PCDHGB5: variants seen among roughly 807,000 people sequenced by gnomAD.
PCDHGB5 encodes protocadherin gamma subfamily B, 5.
A neutral mutation model predicts 62.9 loss-of-function variants in PCDHGB5; 48 were observed. The ratio of observed to expected loss-of-function variants is 0.76; its 90% CI spans 0.61 to 0.97. The LOEUF is 0.97. Ranked by LOEUF, PCDHGB5 falls within the 50% of genes least tolerant of loss-of-function variation. The pLI, the probability that PCDHGB5 is intolerant of heterozygous loss-of-function variation, is 0.00. For missense variants in PCDHGB5, 1,118 were observed against 1,198.6 expected (o/e 0.93, Z 0.99); for synonymous variants, 474 against 511.2 (o/e 0.93, Z 0.98).
chr5:141,400,214 C>T lies in PCDHGB5; in HGVS notation c.2087C>T (p.Ser696Leu). ...FYLVVALALISVLFLLAVILA... is the reference protein window; with the variant it reads ...FYLVVALALILVLFLLAVILA... The stretch of plus-strand genomic sequence containing the variant: ...CTAGTGGTGGCCTTGGCCTTGATCT[C>T]AGTGCTCTTCCTCCTGGCCGTGATT... Residue 696 changes from serine to leucine, a missense_variant, in exon 1 of 4, where the codon TCA becomes TTA. This residue lies in a region of PCDHGB5 where 1,034 missense variants were observed against 1,029.1 expected (regional missense o/e 1.00). Coordinates refer to ENST00000617380, the MANE Select transcript of PCDHGB5 (RefSeq NM_018925.3). 6.2e-7 allele frequency: 1 copy of T among 1,614,042 alleles called. No individual in the cohort carries two copies. The highest frequency in any genetic ancestry group is 8.5e-7 in the Non-Finnish European group (1 of 1,179,896).
At chr5:141,430,928 C>A in intron 1 of PCDHGB5, 1 of 1,607,098 alleles carries the variant, frequency 6.2e-7, no homozygotes, top group Non-Finnish European at 8.5e-7. Context: ...GCTGGAGCCC[C>A]GGGAGCTCGC....
chr5:141,447,181 G>T (rs442221), intron 1 of PCDHGB5, among the ~76,000 whole-genome samples: 1 of 152,338 alleles, frequency 6.6e-6, no homozygotes, highest in Admixed American at 6.5e-5. Context: ...CTCTTGTCGC[G>T]CAGGCTGGAG....
In PCDHGB5 at chr5:141,485,669, T is replaced by G. The variant is rs754363407; in HGVS notation, c.2398-9138T>G. ...TCAGGATGCAGATGTGGGGAGCAATTCGATTAGCAGCTATAGGCTGAGCTC... is the reference window on the plus strand; with the variant it reads ...TCAGGATGCAGATGTGGGGAGCAATGCGATTAGCAGCTATAGGCTGAGCTC... On this transcript the variant is annotated intron_variant, in intron 1 of 3. Transcript: ENST00000617380. The surrounding 1 kb of genome is among the most constrained non-coding windows in gnomAD (Gnocchi z 5.7). 1.9e-6 allele frequency: 3 copies of G among 1,612,788 alleles called. 1 individual carries two copies. Among genetic ancestry groups the G allele is most frequent in the Admixed American group, 1.7e-5 (1 of 59,980 alleles).
chr5:141,421,530 C>A, intron 1 of PCDHGB5: 1 of 1,614,040 alleles, frequency 6.2e-7, no homozygotes, highest in Non-Finnish European at 8.5e-7. Context: ...AGACGGTGTC[C>A]TCCTGTTTTT....
chr5:141,442,298 G>A (rs934210433), intron 1 of PCDHGB5: 2 of 152,564 alleles, frequency 1.3e-5, no homozygotes, highest in African/African-American at 4.8e-5. Flanking sequence ...TCCTGTCTGA[G>A]TCTTTCCCAC....
At chr5:141,413,562 T>C in intron 1 of PCDHGB5, 1 of 1,613,850 alleles carries the variant, frequency 6.2e-7, no homozygotes, top group Non-Finnish European at 8.5e-7. Context: ...AAGTAACTGA[T>C]ATCAATGACA....
At chr5:141,470,165 G>C (rs559578238) in intron 1 of PCDHGB5, among the ~76,000 whole-genome samples, 1 of 152,276 alleles carries the variant, frequency 6.6e-6, no homozygotes, top group Non-Finnish European at 1.5e-5. Context: ...TCAAATCAAA[G>C]TATGCAAAAT....
intron 1 of PCDHGB5, among the ~76,000 whole-genome samples, chr5:141,436,793 C>A (rs752376420): frequency 6.6e-6 from 1 of 152,178 alleles, no homozygotes; most frequent in Non-Finnish European, 1.5e-5. Context: ...TAAAACTGTT[C>A]TAAAATTTTT....
intron 1 of PCDHGB5, among the ~76,000 whole-genome samples, chr5:141,459,692 G>A (rs891511502): frequency 2.6e-5 from 4 of 152,134 alleles, no homozygotes; most frequent in African/African-American, 9.7e-5. Flanking sequence ...AAAGCGTTCC[G>A]CTTGCTACAT....
intron 1 of PCDHGB5, chr5:141,414,273 G>A: frequency 6.2e-7 from 1 of 1,613,418 alleles, no homozygotes; most frequent in Non-Finnish European, 8.5e-7. Flanking sequence ...ATTCACCTCT[G>A]GGAACAGTCG....
chr5:141,404,829 TGC>T lies in PCDHGB5; in HGVS notation c.2397+4308_2397+4309del, dbSNP rs774802551. 6.2e-6 allele frequency: 10 copies of T among 1,608,020 alleles called. No individual in the cohort carries two copies. In the Admixed American group the frequency reaches 1.7e-4, roughly 27 times the overall value. On this transcript the variant is annotated intron_variant, in intron 1 of 3. Coordinates refer to ENST00000617380, the MANE Select transcript of PCDHGB5 (RefSeq NM_018925.3). ...TCGGTGGGGCTGCACACAGGTGAAGTGCGCACAGCTCGGGCCCTGCTAGATAG... is the reference window on the plus strand; with the variant it reads ...TCGGTGGGGCTGCACACAGGTGAAGTGCACAGCTCGGGCCCTGCTAGATAG...
chr5:141,409,007 C>T, intron 1 of PCDHGB5: 1 of 1,613,932 alleles, frequency 6.2e-7, no homozygotes, highest in Non-Finnish European at 8.5e-7. Context: ...AGCCACTGAC[C>T]AGGATGAGGG....
chr5:141,507,202 C>G (rs2099859138), intron 3 of PCDHGB5: 1 of 152,356 alleles, frequency 6.6e-6, no homozygotes, highest in Non-Finnish European at 1.5e-5. Flanking sequence ...TCTTCCAGAT[C>G]AGGGTTGCCA....
intron 1 of PCDHGB5, chr5:141,408,475 CCGT>C: frequency 6.2e-7 from 1 of 1,614,032 alleles, no homozygotes; most frequent in Non-Finnish European, 8.5e-7. Context: ...ACCGAATAGA[CCGT>C]GAGCAAATAT....
At position 141,508,909 on chromosome 5, in the gene PCDHGB5, G is replaced by A. The variant is rs545345992; in HGVS notation, c.2546-2038G>A. ...GAGGGGAGGGGGCGGGGCGGTGGCG[G>A]ATCTGGCTTCCTTTTGGAGTTAATT... is the stretch of plus-strand genomic sequence containing the variant. On this transcript the variant is annotated intron_variant, in intron 3 of 3. Coordinates refer to ENST00000617380, the MANE Select transcript of PCDHGB5 (RefSeq NM_018925.3). 2.0e-5 allele frequency among the ~76,000 whole-genome samples: 3 copies of A among 152,202 alleles called. No homozygotes were observed. The South Asian group carries it at 6.2e-4, about 32-fold the overall frequency.
chr5:141,413,381 G>A, intron 1 of PCDHGB5: 1 of 1,613,946 alleles, frequency 6.2e-7, no homozygotes, highest in Non-Finnish European at 8.5e-7. Flanking sequence ...CGCGGAGTCC[G>A]CATAGTCTCC....
chr5:141,483,648 TTGTGTGTGTGTGTG>T (rs111458813), intron 1 of PCDHGB5, among the ~76,000 whole-genome samples: 1 of 149,592 alleles, frequency 6.7e-6, no homozygotes, highest in Non-Finnish European at 1.5e-5. Flanking sequence ...GGGTGTGTGT[TTGTGTGTGTGTGTG>T]TGTGTGTAAA....
rs139832920 is a variant in PCDHGB5, at chr5:141,432,866, G to T, written c.2397+32342G>T. On this transcript the variant is annotated intron_variant, in intron 1 of 3. Coordinates refer to ENST00000617380, the MANE Select transcript of PCDHGB5 (RefSeq NM_018925.3). This position sits in a 1 kb window ranked among gnomAD's most constrained non-coding sequence, Gnocchi z 6.0. ...GGTAGCGGTGGCCGCGGTCTCCTGC[G>T]TCTTCCTGGCCTTCGTCATCTTGCT... The T allele has an allele frequency of 1.9e-6, 3 of 1,614,034 alleles. No individual in the cohort carries two copies. The African/African-American group carries it at 4.0e-5, about 22-fold the overall frequency.
chr5:141,409,483 G>A, intron 1 of PCDHGB5: 1 of 1,613,944 alleles, frequency 6.2e-7, no homozygotes, highest in Non-Finnish European at 8.5e-7. Context: ...CCACTGACAG[G>A]GGCAAGCCGC....
Sources: allele counts gnomAD v4.1 joint callset (sites outside exome capture counted in the v4.1 genomes callset), GRCh38; gene constraint gnomAD v4.1.1; regional missense constraint gnomAD v4.1.1; non-coding constraint Gnocchi (gnomAD v3.1); transcripts MANE v1.5; gene names NCBI Gene and HGNC (gene_info 2026-07-23, HGNC 2026-07-21).